The following GRAMD1C variants were observed in gnomAD, a reference collection of about 807,000 sequenced individuals.
GRAMD1C encodes GRAM domain containing 1C.
In GRAMD1C, 89 loss-of-function variants were observed where a neutral mutation model predicts 97.8. That is an observed-to-expected ratio of 0.91 (90% CI 0.77 to 1.09). GRAMD1C has a LOEUF of 1.09. Among genes scored for constraint, GRAMD1C ranks in the 50% least tolerant of loss-of-function variants. GRAMD1C has a pLI of 0.00. For missense variants in GRAMD1C, 740 were observed against 766.4 expected (o/e 0.97, Z 0.41); for synonymous variants, 256 against 267.0 (o/e 0.96, Z 0.40).
At chr3:113,838,555 A>C, upstream of GRAMD1C, 1 of 213,976 alleles carries the variant, frequency 4.7e-6, no homozygotes, top group Non-Finnish European at 9.2e-6. Flanking sequence ...AGCCTGAGGA[A>C]TGAGAGCGAA....
At chr3:113,928,897 CAT>C (rs755737831) in intron 10 of GRAMD1C, among the ~76,000 whole-genome samples, 8 of 152,296 alleles carry the variant, frequency 5.3e-5, no homozygotes, top group South Asian at 4.1e-4. Context: ...GTTGTTTACA[CAT>C]GTTAGCTACT....
chr3:113,848,629 A>AC (rs1332933988), intron 2 of GRAMD1C, among the ~76,000 whole-genome samples: 3 of 151,898 alleles, frequency 2.0e-5, no homozygotes, highest in African/African-American at 4.8e-5. Context: ...ACATAGTAAG[A>AC]CCCCCATCTC....
intron 10 of GRAMD1C, chr3:113,919,125 T>G: frequency 5.3e-6 from 1 of 187,130 alleles, no homozygotes. Flanking sequence ...GGATCTAAAT[T>G]TTCCAAATTA....
At chr3:113,869,621 TA>T (rs1934712889) in intron 3 of GRAMD1C, 30 bp downstream of exon 3, 1 of 941,198 alleles carries the variant, frequency 1.1e-6, no homozygotes, top group Non-Finnish European at 1.7e-6. Context: ...AAAAAAGTTT[TA>T]TTACCTCATT....
chr3:113,940,443 G>GA lies in GRAMD1C; in HGVS notation c.1908+104dup, dbSNP rs1003628456. ...GAGAATATTTACCCTACTATCGTTT[G>GA]AAAAAATCCCCCTGCTAGAGCCAAC... On this transcript the variant is annotated intron_variant, in intron 17 of 17. Coordinates refer to ENST00000358160, the MANE Select transcript of GRAMD1C (RefSeq NM_017577.5). 27 of 696,416 alleles carry GA rather than the reference G, an allele frequency of 3.9e-5. No individual in the cohort carries two copies. In the Middle Eastern group the frequency reaches 1.0e-3, roughly 26 times the overall value. The allele number at this position is 696,416 out of a possible 1,614,324, so 43.1% of individuals were successfully genotyped here. A position where few individuals can be genotyped will look rare whatever the true frequency, so the allele number is the denominator to read the frequency against.
At chr3:113,893,686 G>A (rs1049211626) in intron 6 of GRAMD1C, among the ~76,000 whole-genome samples, 1 of 152,100 alleles carries the variant, frequency 6.6e-6, no homozygotes, top group South Asian at 2.1e-4. Flanking sequence ...TACCAAGTAC[G>A]GTCTGAAACT....
In GRAMD1C at chr3:113,940,372, T is replaced by C. The variant is rs548605574; in HGVS notation, c.1908+27T>C. ...TAGGCAACTCGATACATCACAGTAC[T>C]TAGTATCTTTGTCCCAGTATGAATT... is the stretch of plus-strand genomic sequence containing the variant. On this transcript the variant is annotated intron_variant, in intron 17 of 17. Transcript: ENST00000358160. The C allele has an allele frequency of 1.5e-5, 17 of 1,105,854 alleles. No individual in the cohort carries two copies. The South Asian group carries it at 2.0e-4, about 13-fold the overall frequency. 68.5% of individuals were successfully genotyped at this position (1,105,854 alleles called of 1,614,324 possible).
chr3:113,883,085 T>C (rs182333610), intron 6 of GRAMD1C, among the ~76,000 whole-genome samples: 1 of 152,160 alleles, frequency 6.6e-6, no homozygotes, highest in East Asian at 1.9e-4. Flanking sequence ...CTAGAAAATA[T>C]GTTTTTAACA....
Position 113,869,548 on chromosome 3 carries a change from A to T in GRAMD1C, c.216A>T (p.Arg72Ser). 6.4e-7 allele frequency: 1 copy of T among 1,555,918 alleles called. No individual in the cohort carries two copies. Among genetic ancestry groups the T allele is most frequent in the Non-Finnish European group, 8.8e-7 (1 of 1,137,836 alleles). The change falls in exon 3 of 18, where the codon AGA becomes AGT. Residue 72 changes from arginine to serine, a missense_variant. By Grantham distance (110) the Arg-to-Ser change is moderately radical (BLOSUM62 -1). Coordinates refer to ENST00000358160, the MANE Select transcript of GRAMD1C (RefSeq NM_017577.5). ...STYKDRNEEYRRQFTHLPDTE... is the reference protein window; with the variant it reads ...STYKDRNEEYSRQFTHLPDTE... ...ATAAAGACAGGAATGAGGAATACAG[A>T]AGACAGTTCACACATCTACCTGATA...
chr3:113,933,815 C>A (rs1937525311), intron 12 of GRAMD1C, among the ~76,000 whole-genome samples, 162 bp downstream of exon 12: 1 of 152,138 alleles, frequency 6.6e-6, no homozygotes, highest in Non-Finnish European at 1.5e-5. Context: ...CACCTAAGGC[C>A]CCCGCTTGAT....
At position 113,844,657 on chromosome 3, in the gene GRAMD1C, CT is replaced by C; in HGVS notation, c.174+15del. On this transcript the variant is annotated intron_variant, in intron 2 of 17. Coordinates refer to ENST00000358160, the MANE Select transcript of GRAMD1C (RefSeq NM_017577.5). ...GGTGACTGGAGCTTTTGGGTAATTT[CT>C]TTTTTTACGTCTTTATTTTAATCTT... The C allele has an allele frequency of 6.4e-6, 10 of 1,568,672 alleles. No individual in the cohort carries two copies. The highest frequency in any genetic ancestry group is 3.9e-5 in the Admixed American group (2 of 50,728).
At chr3:113,906,072 C>T (rs562007141) in intron 8 of GRAMD1C, among the ~76,000 whole-genome samples, 3 of 152,264 alleles carry the variant, frequency 2.0e-5, no homozygotes, top group South Asian at 2.1e-4. Flanking sequence ...TAATGCAATA[C>T]GTTGCTCACA....
chr3:113,834,798 G>T (rs1040196911), upstream of GRAMD1C, among the ~76,000 whole-genome samples: 8 of 151,570 alleles, frequency 5.3e-5, no homozygotes, highest in African/African-American at 1.7e-4. Context: ...AAATTAGCTG[G>T]GCGTGGTGGT....
chr3:113,833,320 T>A (rs1329512050), intron 1 of GRAMD1C, among the ~76,000 whole-genome samples: 1 of 151,912 alleles, frequency 6.6e-6, no homozygotes, highest in African/African-American at 2.4e-5. Context: ...GTATTTTTAG[T>A]AGAGATGGGG....
chr3:113,885,634 A>G, intron 6 of GRAMD1C: 3 of 1,497,934 alleles, frequency 2.0e-6, no homozygotes, highest in Non-Finnish European at 2.8e-6. Context: ...AAGAGGCCCC[A>G]TGTGGATTTC....
intron 2 of GRAMD1C, chr3:113,850,354 G>A: frequency 2.6e-6 from 2 of 767,278 alleles, no homozygotes; most frequent in Non-Finnish European, 4.7e-6. Context: ...AACTCCGTCT[G>A]TAGGTATCTC....
chr3:113,887,097 T>TTG (rs1935532116), intron 6 of GRAMD1C, among the ~76,000 whole-genome samples: 1 of 77,446 alleles, frequency 1.3e-5, no homozygotes, highest in Non-Finnish European at 2.7e-5. Context: ...TTTTTTTTTG[T>TTG]TTTTTTTTTT....
At chr3:113,877,596 T>A (rs1935094946) in intron 5 of GRAMD1C, among the ~76,000 whole-genome samples, 1 of 152,190 alleles carries the variant, frequency 6.6e-6, no homozygotes, top group Admixed American at 6.5e-5. Flanking sequence ...AAATTTAGGT[T>A]GTGTAATTTT....
intron 7 of GRAMD1C, among the ~76,000 whole-genome samples, chr3:113,903,682 A>G (rs1936253557): frequency 6.6e-6 from 1 of 152,058 alleles, no homozygotes; most frequent in Non-Finnish European, 1.5e-5. Context: ...GCTTAGGCTC[A>G]GACATCTTGA....
Sources: gnomAD v4.1 joint callset for allele counts (sites outside exome capture counted in the v4.1 genomes callset) on GRCh38, gnomAD v4.1.1 for gene constraint, MANE v1.5 for transcripts, NCBI Gene and HGNC (gene_info 2026-07-23, HGNC 2026-07-21) for gene names.